The following RNGTT variants were observed in gnomAD, a reference collection of about 807,000 sequenced individuals.
RNGTT encodes the protein mRNA-capping enzyme.
In RNGTT, 33 loss-of-function variants were observed where a neutral mutation model predicts 79.3. The ratio of observed to expected loss-of-function variants is 0.42; its 90% CI spans 0.32 to 0.56. The LOEUF (loss-of-function observed/expected upper bound fraction) is 0.56. RNGTT is among the 20% of genes least tolerant of loss of function. RNGTT has a pLI of 0.17. For synonymous variants in RNGTT, 222 were observed against 235.9 expected (o/e 0.94, Z 0.54); for missense variants, 497 against 739.1 (o/e 0.67, Z 3.80).
rs535871157 is a variant in RNGTT at position 88,913,979 on chromosome 6, A to G, written c.368-7539T>C. ...ACATACAAAAATCAATAGCATTTCT[A>G]TAAACCAATGATGTTCAACCTGAGA... On this transcript the variant is annotated intron_variant, in intron 4 of 15. Transcript: ENST00000369485. Among the ~76,000 whole-genome samples, 5 of 152,332 alleles carry G rather than the reference A, an allele frequency of 3.3e-5. 1 individual carries two copies. In the South Asian group the frequency reaches 1.0e-3, roughly 32 times the overall value.
intron 13 of RNGTT, among the ~76,000 whole-genome samples, chr6:88,704,271 A>AAC (rs1776051769): frequency 6.8e-6 from 1 of 147,232 alleles, no homozygotes; most frequent in African/African-American, 2.6e-5. Flanking sequence ...AAAAAAAAAA[A>AAC]AAAAAAAAAA....
chr6:88,687,619 T>C (rs1299655487), intron 13 of RNGTT, among the ~76,000 whole-genome samples: 8 of 152,090 alleles, frequency 5.3e-5, no homozygotes, highest in Admixed American at 5.2e-4. Context: ...AATCTCTACT[T>C]ACCAATAGGA....
intron 13 of RNGTT, among the ~76,000 whole-genome samples, chr6:88,705,733 T>A (rs1028879491): frequency 2.6e-5 from 4 of 152,132 alleles, no homozygotes; most frequent in African/African-American, 9.7e-5. Context: ...ACTTTGCAAA[T>A]GTTCTGACTA....
At chr6:88,953,418 AAAAC>A (rs575153707) in intron 1 of RNGTT, among the ~76,000 whole-genome samples, 36 of 152,138 alleles carry the variant, frequency 2.4e-4, no homozygotes, top group Non-Finnish European at 4.1e-4. Flanking sequence ...CAATCAGACA[AAAAC>A]AAAGAAAAAA....
chr6:88,616,523 T>A (rs575976722), intron 14 of RNGTT, among the ~76,000 whole-genome samples: 4,534 of 152,080 alleles, frequency 0.03, 229 homozygotes, highest in African/African-American at 0.1. Context: ...CCTTTTTTTT[T>A]TAAAAAAAAT....
chr6:88,739,229 G>T (rs1229094280), intron 13 of RNGTT, among the ~76,000 whole-genome samples: 1 of 152,044 alleles, frequency 6.6e-6, no homozygotes, highest in Non-Finnish European at 1.5e-5. Context: ...GACAAAAGGT[G>T]AAGCAAATTT....
rs141214687 is a variant in RNGTT, at chr6:88,920,456, A to G, written c.367+8529T>C. Among the ~76,000 whole-genome samples, 651 of 152,308 alleles carry G rather than the reference A, an allele frequency of 4.3e-3. 4 individuals are homozygous for G. Among genetic ancestry groups the G allele is most frequent in the African/African-American group, 0.014 (600 of 41,562 alleles). On this transcript the variant is annotated intron_variant, in intron 4 of 15. Transcript: ENST00000369485. ...TTATTTAACAGAACAATATTATGAG[A>G]TATACATGAAATATGTTAAGGATGT...
chr6:88,761,952 C>T (rs150730434), intron 13 of RNGTT, among the ~76,000 whole-genome samples: 9 of 149,066 alleles, frequency 6.0e-5, no homozygotes, highest in African/African-American at 1.7e-4. Context: ...CCTAGTGGTA[C>T]GGATGTTCTT....
chr6:88,860,841 T>A (rs974614280), intron 8 of RNGTT, among the ~76,000 whole-genome samples: 14 of 149,048 alleles, frequency 9.4e-5, no homozygotes, highest in African/African-American at 1.5e-4. Flanking sequence ...AAAAAAAACA[T>A]GTTAATGGGT....
chr6:88,690,450 T>A (rs561698206), intron 13 of RNGTT, among the ~76,000 whole-genome samples: 1 of 152,088 alleles, frequency 6.6e-6, no homozygotes, highest in South Asian at 2.1e-4. Context: ...CTCACACCTA[T>A]AATCCTAGCG....
chr6:88,717,493 T>C (rs182650166), intron 13 of RNGTT, among the ~76,000 whole-genome samples: 3 of 152,310 alleles, frequency 2.0e-5, no homozygotes, highest in Admixed American at 2.0e-4. Context: ...TAATATAACT[T>C]TTGTAAATTA....
intron 14 of RNGTT, among the ~76,000 whole-genome samples, chr6:88,642,020 T>C (rs990115231): frequency 4.6e-5 from 7 of 152,022 alleles, no homozygotes; most frequent in Non-Finnish European, 1.0e-4. Context: ...ATTAGCTACC[T>C]TGTCATTTGA....
At chr6:88,891,991 A>G (rs979290707) in intron 6 of RNGTT, 76 bp from the exon 7 acceptor site, 1 of 973,508 alleles carries the variant, frequency 1.0e-6, no homozygotes, top group African/African-American at 1.7e-5. Context: ...CAAAGAAGAG[A>G]CTGAGAGATA....
intron 1 of RNGTT, among the ~76,000 whole-genome samples, chr6:88,953,229 G>A (rs977119267): frequency 2.0e-5 from 3 of 151,964 alleles, no homozygotes; most frequent in Admixed American, 2.0e-4. Context: ...AAAAATACAA[G>A]ATATGGATGA....
chr6:88,961,177 C>T (rs1011342202), intron 1 of RNGTT, among the ~76,000 whole-genome samples: 4 of 152,142 alleles, frequency 2.6e-5, no homozygotes, highest in Non-Finnish European at 5.9e-5. Context: ...CTGTGGTGGA[C>T]GCTTCCTGCC....
chr6:88,953,412 C>CA, intron 1 of RNGTT, among the ~76,000 whole-genome samples: 1 of 152,048 alleles, frequency 6.6e-6, no homozygotes, highest in East Asian at 1.9e-4. Flanking sequence ...TTAACCCAAT[C>CA]AGACAAAAAC....
chr6:88,849,854 T>C (rs755279605), intron 9 of RNGTT, 28 bp from the exon 10 acceptor site: 2 of 1,519,390 alleles, frequency 1.3e-6, no homozygotes, highest in Admixed American at 2.3e-5. Context: ...GGTAAGTTTC[T>C]TCATACTTTA....
chr6:88,733,227 G>A (rs1235214865), intron 13 of RNGTT, among the ~76,000 whole-genome samples: 3 of 151,996 alleles, frequency 2.0e-5, no homozygotes, highest in African/African-American at 4.8e-5. Context: ...CAGGTGTTGT[G>A]GTGCATCCCT....
intron 11 of RNGTT, among the ~76,000 whole-genome samples, chr6:88,819,311 C>T (rs1005262697): frequency 2.6e-5 from 4 of 151,992 alleles, no homozygotes; most frequent in African/African-American, 9.7e-5. Flanking sequence ...TAGTCTGTTA[C>T]ACTCACAGAT....
Sources: gnomAD v4.1 joint callset for allele counts (sites outside exome capture counted in the v4.1 genomes callset) on GRCh38, gnomAD v4.1.1 for gene constraint, MANE v1.5 for transcripts, NCBI Gene and HGNC (gene_info 2026-07-23, HGNC 2026-07-21) for gene names.